Variants in MAZ observed in about 807,000 individuals in gnomAD.
The protein encoded by MAZ is MYC associated zinc finger protein, also known as myc-associated zinc finger protein.
A neutral mutation model predicts 32.7 loss-of-function variants in MAZ; 4 were observed. The ratio of observed to expected loss-of-function variants is 0.12; its 90% confidence interval spans 0.06 to 0.28. MAZ has a LOEUF of 0.28. Ranked by LOEUF, MAZ falls within the 10% of genes least tolerant of loss-of-function variation. MAZ has a pLI of 1.00. For synonymous variants in MAZ, 510 were observed against 297.6 expected (o/e 1.71, Z -7.35); for missense variants, 763 against 667.2 (o/e 1.14, Z -1.58).
chr16:29,809,807 G>C, intron 4 of MAZ: 1 of 1,092,286 alleles, frequency 9.2e-7, no homozygotes, highest in Non-Finnish European at 1.3e-6. Context: ...GGGGGGTGTG[G>C]GGGACAACGG....
rs1363055330 is a variant in MAZ at position 29,810,068 on chromosome 16, C to T, written c.1280-9C>T. ...TCGCGCTGTGATCCGTGGTGTTTCT[C>T]CTGTGCAGGTACTGGTGAGGTTTGT... is the stretch of plus-strand genomic sequence containing the variant. On this transcript the variant is annotated splice_polypyrimidine_tract_variant and intron_variant, in intron 4 of 4. Coordinates refer to ENST00000322945, the MANE Select transcript of MAZ (RefSeq NM_002383.4). The T allele has an allele frequency of 6.2e-7, 1 of 1,604,128 alleles. No homozygotes were observed. The highest frequency in any genetic ancestry group is 8.5e-7 in the Non-Finnish European group (1 of 1,174,902).
Position 29,807,446 on chromosome 16 carries a change from C to T in MAZ, c.661C>T (p.Pro221Ser), listed in dbSNP as rs376016683. The change falls in exon 2 of 5, where the codon CCC (proline) becomes TCC (serine). Residue 221 changes from proline (P) to serine (S), a missense_variant. By Grantham distance (74) the Pro-to-Ser change is moderately conservative. Transcript: ENST00000322945. ...CACGGGAGCCAAGGCCGGCCGGGTCCCCTCGGGTGCTATGAAGATGCCGAC... is the reference window on the plus strand; with the variant it reads ...CACGGGAGCCAAGGCCGGCCGGGTCTCCTCGGGTGCTATGAAGATGCCGAC... ...IHTGAKAGRV[P>S]SGAMKMPTMV... 70 of 1,612,308 alleles carry T rather than the reference C, an allele frequency of 4.3e-5. No homozygotes were observed. The Admixed American group carries it at 5.5e-4, about 13-fold the overall frequency.
intron 1 of MAZ, 36 bp from the exon 2 acceptor site, chr16:29,806,942 C>G: frequency 2.6e-6 from 3 of 1,163,610 alleles, no homozygotes; most frequent in Non-Finnish European, 3.2e-6. Flanking sequence ...GACGCCCGCC[C>G]GCACCCGCGG....
In MAZ at chr16:29,807,775, C is replaced by G; in HGVS notation, c.990C>G (p.Asp330Glu). Reference sequence around the variant, plus strand: ...TGAGCTACCACGTGCGCTCACATGACGGCGCTGTGCACAAGCCCTACAACT... The same window carrying G: ...TGAGCTACCACGTGCGCTCACATGAGGGCGCTGTGCACAAGCCCTACAACT... ...DRMSYHVRSH[D>E]GAVHKPYNCS... The change falls in exon 2 of 5, where the codon GAC (aspartate) becomes GAG (glutamate). Residue 330 changes from aspartate to glutamate, a missense_variant. Transcript: ENST00000322945. 1 of 1,612,124 alleles carries G rather than the reference C, an allele frequency of 6.2e-7. No homozygotes were observed. Among genetic ancestry groups the G allele is most frequent in the Non-Finnish European group, 8.5e-7 (1 of 1,179,952 alleles).
Position 29,810,492 on chromosome 16 carries a change from G to C in MAZ, c.*261G>C, listed in dbSNP as rs528201798. The stretch of plus-strand genomic sequence containing the variant: ...AGTCCCCTGGACAGTGGGCAGGGGT[G>C]GCAGAGGACACGAGCAGCCACTGCC... On this transcript the variant is annotated 3_prime_UTR_variant, in exon 5 of 5. Transcript: ENST00000322945. The C allele has an allele frequency of 2.0e-4, 140 of 702,658 alleles. No homozygotes were observed. Among genetic ancestry groups the C allele is most frequent in the Non-Finnish European group, 2.3e-5 (9 of 385,516 alleles). 43.5% of individuals were successfully genotyped at this position (702,658 alleles called of 1,614,324 possible).
Position 29,810,355 on chromosome 16 carries a change from G to A in MAZ, c.*124G>A, listed in dbSNP as rs1453734125. On this transcript the variant is annotated 3_prime_UTR_variant, in exon 5 of 5. Coordinates refer to ENST00000322945, the MANE Select transcript of MAZ (RefSeq NM_002383.4). ...CAACCAAGGAGCCTCCAGAAGGAAA[G>A]GAGGAAGAAATGTTTTCTTAGGGGA... 13 of 1,021,760 alleles carry A rather than the reference G, an allele frequency of 1.3e-5. No individual in the cohort carries two copies. Among genetic ancestry groups the A allele is most frequent in the African/African-American group, 1.3e-4 (8 of 62,954 alleles). The allele number at this position is 1,021,760 out of a possible 1,614,324, so 63.3% of individuals were successfully genotyped here.
Position 29,807,647 on chromosome 16 carries a change from T to G in MAZ, c.862T>G (p.Phe288Val). The G allele has an allele frequency of 6.2e-7, 1 of 1,612,814 alleles. No individual in the cohort carries two copies. The highest frequency in any genetic ancestry group is 8.5e-7 in the Non-Finnish European group (1 of 1,179,938). The change falls in exon 2 of 5, where the codon TTC becomes GTC. Residue 288 changes from phenylalanine to valine, a missense_variant. Coordinates refer to ENST00000322945, the MANE Select transcript of MAZ (RefSeq NM_002383.4). ...NHACEMCGKA[F>V]RDVYHLNRHK... Reference sequence around the variant, plus strand: ...TGCCTGCGAGATGTGTGGCAAGGCCTTCCGCGACGTCTACCACCTGAACCG... The same window carrying G: ...TGCCTGCGAGATGTGTGGCAAGGCCGTCCGCGACGTCTACCACCTGAACCG...
At chr16:29,808,139 G>T (rs1899652441) in intron 2 of MAZ, 91 bp from the exon 3 acceptor site, 2 of 1,201,348 alleles carry the variant, frequency 1.7e-6, no homozygotes, top group African/African-American at 3.0e-5. Context: ...CCGGGAGGAG[G>T]CGCAGGGATC....
At position 29,808,580 on chromosome 16, in the gene MAZ, C is replaced by T; in HGVS notation, c.1118C>T (p.Ala373Val). Residue 373 changes from alanine (A) to valine (V), a missense_variant, in exon 4 of 5, where the codon GCA (alanine) becomes GTA (valine). Transcript: ENST00000322945. ...ERPFKCEKCE[A>V]AFATKDRLRA... ...CTCCCCCCTCCTCAGAAATGTGAGG[C>T]AGCTTTCGCCACGAAGGATCGGCTG... 6.2e-7 allele frequency: 1 copy of T among 1,606,374 alleles called. No homozygotes were observed. Among genetic ancestry groups the T allele is most frequent in the Non-Finnish European group, 8.5e-7 (1 of 1,176,580 alleles).
In MAZ at chr16:29,807,352, C is replaced by G. The variant is rs372215114; in HGVS notation, c.567C>G (p.Pro189=). The G allele has an allele frequency of 1.2e-6, 2 of 1,612,048 alleles. No homozygotes were observed. The highest frequency in any genetic ancestry group is 1.7e-5 in the Admixed American group (1 of 59,976). ...AGAAGAAGACAAAGAGCAAGGGGCC[C>G]TACATCTGCGCTCTGTGCGCCAAGG... The part of the protein sequence containing the change: ...ALEKKTKSKG[P]YICALCAKEF... The change falls in exon 2 of 5, where the codon CCC becomes CCG. Residue 189 remains proline, a synonymous_variant. Transcript: ENST00000322945.
chr16:29,806,804 C>T lies in MAZ; in HGVS notation c.103C>T (p.Gln35Ter). The T allele has an allele frequency of 7.0e-7, 1 of 1,438,648 alleles. No homozygotes were observed. The highest frequency in any genetic ancestry group is 9.2e-7 in the Non-Finnish European group (1 of 1,089,466). 89.1% of individuals were successfully genotyped at this position (1,438,648 alleles called of 1,614,324 possible). A position where few individuals can be genotyped will look rare whatever the true frequency, so the allele number is the denominator to read the frequency against. ...CCTCATGAACTCCTTCCCGCCACCTCAGGGTCACGCCCAGAACCCCCTGCA... is the reference window on the plus strand; with the variant it reads ...CCTCATGAACTCCTTCCCGCCACCTTAGGGTCACGCCCAGAACCCCCTGCA... Reference protein sequence around the residue: ...GGLMNSFPPPQGHAQNPLQVG... With the variant: ...GGLMNSFPPP The change falls in exon 1 of 5, where the codon CAG (glutamine) becomes TAG (stop). Residue 35 changes from glutamine to a stop codon, truncating the protein, a stop_gained. Transcript: ENST00000322945. LOFTEE classifies it high-confidence loss of function.
Position 29,810,025 on chromosome 16 carries a change from A to G in MAZ, c.1280-52A>G, listed in dbSNP as rs561189671. The G allele has an allele frequency of 9.6e-6, 15 of 1,570,538 alleles. No homozygotes were observed. The East Asian group carries it at 2.9e-4, about 31-fold the overall frequency. ...GCTGGGAAGGTGTGGGGTGAGGGCA[A>G]GGCTCTTGCCATTCAGATCGCGCTG... On this transcript the variant is annotated intron_variant, in intron 4 of 4. Transcript: ENST00000322945.
intron 1 of MAZ, 35 bp from the exon 2 acceptor site, chr16:29,806,943 G>C: frequency 8.7e-7 from 1 of 1,152,438 alleles, no homozygotes; most frequent in Non-Finnish European, 1.1e-6. Flanking sequence ...ACGCCCGCCC[G>C]CACCCGCGGC....
In MAZ at chr16:29,808,552, C is replaced by G. The variant is rs1419109982; in HGVS notation, c.1108-18C>G. ...TAACTCTCCTGTGACACCCCCCACGCCCCTCCCCCCTCCTCAGAAATGTGA... is the reference window on the plus strand; with the variant it reads ...TAACTCTCCTGTGACACCCCCCACGGCCCTCCCCCCTCCTCAGAAATGTGA... On this transcript the variant is annotated intron_variant, in intron 3 of 4. Coordinates refer to ENST00000322945, the MANE Select transcript of MAZ (RefSeq NM_002383.4). 1 of 1,588,538 alleles carries G rather than the reference C, an allele frequency of 6.3e-7. No individual in the cohort carries two copies. The highest frequency in any genetic ancestry group is 1.7e-5 in the Admixed American group (1 of 57,312).
In MAZ at chr16:29,808,729, C is replaced by T. The variant is rs775186073; in HGVS notation, c.1267C>T (p.Leu423Phe). Reference sequence around the variant, plus strand: ...CCAGGGTCCTCACCATGTCTGTGAGCTCTGCAACAAAGGTACATGCCGAGG... The same window carrying T: ...CCAGGGTCCTCACCATGTCTGTGAGTTCTGCAACAAAGGTACATGCCGAGG... ...HSQGPHHVCELCNKGTGEVCP... is the reference protein window; with the variant it reads ...HSQGPHHVCEFCNKGTGEVCP... Residue 423 changes from leucine to phenylalanine, a missense_variant, in exon 4 of 5, where the codon CTC becomes TTC. Transcript: ENST00000322945. 2.5e-6 allele frequency: 4 copies of T among 1,613,770 alleles called. No homozygotes were observed. Among genetic ancestry groups the T allele is most frequent in the East Asian group, 2.2e-5 (1 of 44,868 alleles).
chr16:29,810,600 C>A lies in MAZ; in HGVS notation c.*369C>A. 1 of 669,936 alleles carries A rather than the reference C, an allele frequency of 1.5e-6. No homozygotes were observed. The allele number at this position is 669,936 out of a possible 1,614,324, so 41.5% of individuals were successfully genotyped here. On this transcript the variant is annotated 3_prime_UTR_variant, in exon 5 of 5. Transcript: ENST00000322945. ...TCTTCCCTCGACGGTCCTCTTCTCT[C>A]CTTCCAGTCCTCTCCCCCTGCTGTC...
rs1331659880 is a variant in MAZ, at chr16:29,811,022, G to A, written c.*791G>A. Reference sequence around the variant, plus strand: ...CCACCCCAGCTCCAGCCCTGGTCTTGTCTTTTCATCCCTCTTCCCCACGAC... The same window carrying A: ...CCACCCCAGCTCCAGCCCTGGTCTTATCTTTTCATCCCTCTTCCCCACGAC... On this transcript the variant is annotated 3_prime_UTR_variant, in exon 5 of 5. Transcript: ENST00000322945. 4.4e-6 allele frequency: 2 copies of A among 453,938 alleles called. No homozygotes were observed. Among genetic ancestry groups the A allele is most frequent in the Non-Finnish European group, 8.9e-6 (2 of 225,812 alleles). 28.1% of individuals were successfully genotyped at this position (453,938 alleles called of 1,614,324 possible). A position where few individuals can be genotyped will look rare whatever the true frequency, so the allele number is the denominator to read the frequency against.
rs1451710396 is a variant in MAZ at position 29,807,700 on chromosome 16, G to A, written c.915G>A (p.Lys305=). 3 of 1,612,976 alleles carry A rather than the reference G, an allele frequency of 1.9e-6. No individual in the cohort carries two copies. Among genetic ancestry groups the A allele is most frequent in the South Asian group, 2.2e-5 (2 of 91,092 alleles). ...NRHKLSHSDE[K]PYQCPVCQQR... ...ACAAGCTGTCGCACTCGGACGAGAA[G>A]CCCTACCAGTGCCCGGTGTGCCAGC... is the stretch of plus-strand genomic sequence containing the variant. The change falls in exon 2 of 5, where the codon AAG becomes AAA. Residue 305 remains lysine, a synonymous_variant. Transcript: ENST00000322945.
rs760172433 is a variant in MAZ at position 29,810,039 on chromosome 16, C to T, written c.1280-38C>T. On this transcript the variant is annotated intron_variant, in intron 4 of 4. Coordinates refer to ENST00000322945, the MANE Select transcript of MAZ (RefSeq NM_002383.4). ...GGGTGAGGGCAAGGCTCTTGCCATTCAGATCGCGCTGTGATCCGTGGTGTT... is the reference window on the plus strand; with the variant it reads ...GGGTGAGGGCAAGGCTCTTGCCATTTAGATCGCGCTGTGATCCGTGGTGTT... The T allele has an allele frequency of 5.7e-6, 9 of 1,581,006 alleles. No homozygotes were observed. The South Asian group carries it at 1.0e-4, about 18-fold the overall frequency.
Sources: gnomAD v4.1 joint callset for allele counts on GRCh38, gnomAD v4.1.1 for gene constraint, MANE v1.5 for transcripts, NCBI Gene and HGNC (gene_info 2026-07-23, HGNC 2026-07-21) for gene names.